The following TMEM184B variants were observed in gnomAD, a reference collection of about 807,000 sequenced individuals.
The protein encoded by TMEM184B is transmembrane protein 184B, also known as putative MAPK-activating protein FM08.
Under a neutral mutation model 41.8 loss-of-function variants are expected in TMEM184B, and 17 were observed. That is an observed-to-expected ratio of 0.41 (90% confidence interval 0.28 to 0.61). The LOEUF (loss-of-function observed/expected upper bound fraction) is 0.61, where lower values mean the gene tolerates loss of function less well. Ranked by LOEUF, TMEM184B falls within the 20% of genes least tolerant of loss-of-function variation. The pLI is 0.34. For synonymous variants in TMEM184B, 240 were observed against 229.5 expected (o/e 1.05, Z -0.41); for missense variants, 393 against 557.8 (o/e 0.70, Z 2.98).
Position 38,220,789 on chromosome 22 carries a change from C to G in TMEM184B, c.*680G>C. On this transcript the variant is annotated 3_prime_UTR_variant, in exon 9 of 9. Coordinates refer to ENST00000361906, the MANE Select transcript of TMEM184B (RefSeq NM_012264.5). ...GAGGCAGGCAGAGGTGTGGCCACGA[C>G]AGGTGGGGATACCCAGGGGCCCAGA... 2 of 986,148 alleles carry G rather than the reference C, an allele frequency of 2.0e-6. No homozygotes were observed. Among genetic ancestry groups the G allele is most frequent in the Non-Finnish European group, 2.4e-6 (2 of 830,150 alleles). 61.1% of individuals were successfully genotyped at this position (986,148 alleles called of 1,614,324 possible). A position where few individuals can be genotyped will look rare whatever the true frequency, so the allele number is the denominator to read the frequency against.
chr22:38,250,834 C>A (rs565476215), intron 1 of TMEM184B, among the ~76,000 whole-genome samples: 7 of 152,332 alleles, frequency 4.6e-5, no homozygotes, highest in Non-Finnish European at 8.8e-5. Flanking sequence ...AGGCCAGCTT[C>A]CTCCTGCGGC....
chr22:38,229,528 C>A (rs1409623763), intron 5 of TMEM184B, among the ~76,000 whole-genome samples: 1 of 152,240 alleles, frequency 6.6e-6, no homozygotes, highest in Admixed American at 6.5e-5. Context: ...ACACCCAGGC[C>A]CACACACTGA....
rs574353091 is a variant in TMEM184B, at chr22:38,244,478, CAG to C, written c.358+1455_358+1456del. Among the ~76,000 whole-genome samples, 252 of 150,292 alleles carry C rather than the reference CAG, an allele frequency of 1.7e-3. 1 individual carries two copies. Among genetic ancestry groups the C allele is most frequent in the African/African-American group, 6.1e-3 (249 of 40,870 alleles). On this transcript the variant is annotated intron_variant, in intron 3 of 8. Transcript: ENST00000361906. Reference sequence around the variant, plus strand: ...TAGGGGTCTTTTTTTTTTTTTGAGACAGAGTTTCGCTCTTGTTGCCCAGGCTG... The same window carrying C: ...TAGGGGTCTTTTTTTTTTTTTGAGACAGTTTCGCTCTTGTTGCCCAGGCTG...
rs138939062 is a variant in TMEM184B, at chr22:38,221,697, G to C, written c.996C>G (p.Pro332=). The C allele has an allele frequency of 0.017, 26,734 of 1,613,782 alleles. 299 individuals carry two copies. The highest frequency in any genetic ancestry group is 0.018 in the Non-Finnish European group (21,723 of 1,179,914). Residue 332 remains proline, a synonymous_variant, in exon 9 of 9, where the codon CCC becomes CCG. Transcript: ENST00000361906. The stretch of plus-strand genomic sequence containing the variant: ...TGAGGCTGCTGGAGATGCTCTTCAT[G>C]GGGGCACAGCGGCCTGCCGGGCAGG... ...KRLDAQGRCA[P]MKSISSSLKE... is the part of the protein sequence containing the mutation.
chr22:38,237,678 G>A (rs1246028169), intron 3 of TMEM184B, among the ~76,000 whole-genome samples: 1 of 152,180 alleles, frequency 6.6e-6, no homozygotes, highest in African/African-American at 2.4e-5. Context: ...TTTCAGTGAT[G>A]GGTGATCATC....
intron 1 of TMEM184B, among the ~76,000 whole-genome samples, chr22:38,268,447 G>A (rs2092475262): frequency 1.3e-5 from 2 of 151,380 alleles, no homozygotes; most frequent in African/African-American, 4.9e-5. Context: ...ATTAGTACCT[G>A]CTTTTCCACA....
chr22:38,219,423 TACA>T lies in TMEM184B; in HGVS notation c.*2043_*2045del, dbSNP rs138367227. The T allele has an allele frequency of 4.3e-4, 427 of 985,630 alleles. 4 individuals carry two copies. The African/African-American group carries it at 6.7e-3, about 15-fold the overall frequency. The allele number at this position is 985,630 out of a possible 1,614,324, so 61.1% of individuals were successfully genotyped here. A position where few individuals can be genotyped will look rare whatever the true frequency, so the allele number is the denominator to read the frequency against. ...TTTCTGGTGGAACTCATGGCAGTCATACAACAAGATACAAAACTAGGAGACTCT... is the reference window on the plus strand; with the variant it reads ...TTTCTGGTGGAACTCATGGCAGTCATACAAGATACAAAACTAGGAGACTCT... On this transcript the variant is annotated 3_prime_UTR_variant, in exon 9 of 9. Coordinates refer to ENST00000361906, the MANE Select transcript of TMEM184B (RefSeq NM_012264.5).
intron 1 of TMEM184B, among the ~76,000 whole-genome samples, chr22:38,251,072 G>C (rs1374541686): frequency 6.6e-6 from 1 of 152,130 alleles, no homozygotes. Flanking sequence ...CTCCTAACAA[G>C]ACATGGCCAT....
chr22:38,224,738 G>T (rs1283687522), intron 8 of TMEM184B, 47 bp downstream of exon 8: 1 of 1,520,806 alleles, frequency 6.6e-7, no homozygotes, highest in South Asian at 1.3e-5. Flanking sequence ...GATGTTTGGG[G>T]CTCCCTGCTT....
intron 8 of TMEM184B, 43 bp downstream of exon 8, chr22:38,224,742 C>T (rs576442069): frequency 1.3e-6 from 2 of 1,526,286 alleles, no homozygotes; most frequent in African/African-American, 1.4e-5. Flanking sequence ...TTTGGGGCTC[C>T]CTGCTTCTCC....
At position 38,272,880 on chromosome 22, in the gene TMEM184B, A is replaced by G. The variant is rs2092546919; in HGVS notation, c.-59+4T>C. The G allele has an allele frequency of 2.3e-6, 2 of 869,064 alleles. No homozygotes were observed. Among genetic ancestry groups the G allele is most frequent in the African/African-American group, 3.6e-5 (2 of 54,800 alleles). The allele number at this position is 869,064 out of a possible 1,614,324, so 53.8% of individuals were successfully genotyped here. ...TCCCGGGCGAGGCCGGCCAGGCGGGATACCTCAGGAGCCCATGGCGGTGGC... is the reference window on the plus strand; with the variant it reads ...TCCCGGGCGAGGCCGGCCAGGCGGGGTACCTCAGGAGCCCATGGCGGTGGC... On this transcript the variant is annotated splice_donor_region_variant and intron_variant, in intron 1 of 8. Coordinates refer to ENST00000361906, the MANE Select transcript of TMEM184B (RefSeq NM_012264.5).
At chr22:38,255,523 A>T (rs1158446649) in intron 1 of TMEM184B, among the ~76,000 whole-genome samples, 1 of 152,250 alleles carries the variant, frequency 6.6e-6, no homozygotes, top group East Asian at 1.9e-4. Context: ...CCCAGTAATC[A>T]CTGTGGACAT....
intron 1 of TMEM184B, among the ~76,000 whole-genome samples, chr22:38,256,225 T>C (rs2092276386): frequency 6.6e-6 from 1 of 151,352 alleles, no homozygotes; most frequent in Non-Finnish European, 1.5e-5. Context: ...CCTTTTTTTT[T>C]TTTTGGATTT....
At chr22:38,235,941 C>A (rs1158611987) in intron 3 of TMEM184B, among the ~76,000 whole-genome samples, 2 of 152,230 alleles carry the variant, frequency 1.3e-5, no homozygotes, top group Non-Finnish European at 2.9e-5. Context: ...CCTGGAGAGG[C>A]CTCGGAGACA....
intron 1 of TMEM184B, among the ~76,000 whole-genome samples, chr22:38,259,270 T>C (rs974637446): frequency 6.6e-5 from 10 of 152,210 alleles, no homozygotes; most frequent in African/African-American, 2.4e-4. Context: ...CCATGGATTT[T>C]ATTATGTGCT....
intron 1 of TMEM184B, 112 bp downstream of exon 1, chr22:38,272,772 G>A (rs1210314083): frequency 6.8e-5 from 67 of 985,116 alleles, no homozygotes; most frequent in Non-Finnish European, 8.1e-5. Flanking sequence ...GGGAGCCGGC[G>A]GCCGAAGCCG....
intron 1 of TMEM184B, among the ~76,000 whole-genome samples, chr22:38,261,382 A>G (rs1186369966): frequency 6.6e-6 from 1 of 152,136 alleles, no homozygotes; most frequent in Non-Finnish European, 1.5e-5. Context: ...AAACAAGCGG[A>G]GGCCACTCTA....
At chr22:38,259,435 C>T (rs1427425286) in intron 1 of TMEM184B, among the ~76,000 whole-genome samples, 5 of 152,252 alleles carry the variant, frequency 3.3e-5, no homozygotes, top group South Asian at 4.1e-4. Context: ...CTGGGTGGGC[C>T]CATGTCATCA....
At position 38,221,318 on chromosome 22, in the gene TMEM184B, T is replaced by C; in HGVS notation, c.*151A>G. The C allele has an allele frequency of 7.0e-7, 1 of 1,438,502 alleles. No homozygotes were observed. The highest frequency in any genetic ancestry group is 9.1e-7 in the Non-Finnish European group (1 of 1,101,464). 89.1% of individuals were successfully genotyped at this position (1,438,502 alleles called of 1,614,324 possible). A position where few individuals can be genotyped will look rare whatever the true frequency, so the allele number is the denominator to read the frequency against. ...GGCGAGCCTGGCTGTCCCCCGTTCCTCTGGAAGTGACATGTGAGTGTTTCT... is the reference window on the plus strand; with the variant it reads ...GGCGAGCCTGGCTGTCCCCCGTTCCCCTGGAAGTGACATGTGAGTGTTTCT... On this transcript the variant is annotated 3_prime_UTR_variant, in exon 9 of 9. Transcript: ENST00000361906.
Sources: allele counts gnomAD v4.1 joint callset (sites outside exome capture counted in the v4.1 genomes callset), GRCh38; gene constraint gnomAD v4.1.1; transcripts MANE v1.5; gene names NCBI Gene and HGNC (gene_info 2026-07-23, HGNC 2026-07-21).